FOXP2: variants seen among roughly 807,000 people sequenced by gnomAD.
The protein encoded by FOXP2 is forkhead box P2, also known as forkhead box protein P2.
Under a neutral mutation model 115.8 loss-of-function variants are expected in FOXP2, and 12 were observed. The ratio of observed to expected loss-of-function variants is 0.10; its 90% CI spans 0.07 to 0.17. FOXP2 has a LOEUF of 0.17. FOXP2 is among the 10% of genes least tolerant of loss of function. The pLI, the probability that FOXP2 is intolerant of heterozygous loss-of-function variation, is 1.00. For missense variants in FOXP2, 629 were observed against 843.5 expected (o/e 0.75, Z 3.15); for synonymous variants, 328 against 297.7 (o/e 1.10, Z -1.05).
At chr7:114,662,397 G>A (rs749944665) in intron 14 of FOXP2, among the ~76,000 whole-genome samples, 1 of 151,870 alleles carries the variant, frequency 6.6e-6, no homozygotes, top group African/African-American at 2.4e-5. Context: ...GACTGTTTTG[G>A]TTACTATTTT....
chr7:114,627,151 T>G (rs1804634299), intron 3 of FOXP2, among the ~76,000 whole-genome samples: 1 of 151,812 alleles, frequency 6.6e-6, no homozygotes. Flanking sequence ...TCTTTTTTTT[T>G]TTTCTTCTGC....
intron 1 of FOXP2, among the ~76,000 whole-genome samples, chr7:114,153,637 T>C (rs1431052220): frequency 2.0e-5 from 3 of 152,120 alleles, no homozygotes; most frequent in African/African-American, 4.8e-5. Context: ...TTTGCAAAGG[T>C]TGGAAGTTAA....
At chr7:114,580,513 G>T (rs949550805) in intron 3 of FOXP2, among the ~76,000 whole-genome samples, 1 of 152,180 alleles carries the variant, frequency 6.6e-6, no homozygotes, top group Non-Finnish European at 1.5e-5. Context: ...GGGAGGCAGA[G>T]GTTGCAGTGA....
At chr7:114,618,394 A>G (rs1804062178) in intron 3 of FOXP2, among the ~76,000 whole-genome samples, 1 of 152,234 alleles carries the variant, frequency 6.6e-6, no homozygotes, top group Admixed American at 6.5e-5. Context: ...ACTAAGACAC[A>G]AAGAATCTTA....
chr7:114,619,540 A>C (rs1259112863), intron 3 of FOXP2, among the ~76,000 whole-genome samples: 1 of 152,088 alleles, frequency 6.6e-6, no homozygotes, highest in African/African-American at 2.4e-5. Context: ...TATATGTTTC[A>C]TTGTGAATTG....
intron 16 of FOXP2, 101 bp downstream of exon 16, chr7:114,664,537 A>G: frequency 7.2e-7 from 1 of 1,390,296 alleles, no homozygotes; most frequent in Non-Finnish European, 9.9e-7. Flanking sequence ...TAAGTTGAAA[A>G]TACAAATTTA....
intron 3 of FOXP2, among the ~76,000 whole-genome samples, chr7:114,550,394 G>C (rs1800149513): frequency 6.6e-6 from 1 of 152,068 alleles, no homozygotes; most frequent in South Asian, 2.1e-4. Context: ...GGGATTACAG[G>C]CGTGAGCCAC....
rs188278231 is a variant in FOXP2 at position 114,474,223 on chromosome 7, G to A, written c.168+47544G>A. ...CAGAATAGCAAAGTCCAATGTCTTC[G>A]TTATTAAATTAATTAAAATGAAATC... On this transcript the variant is annotated intron_variant, in intron 2 of 16. Transcript: ENST00000350908. Among the ~76,000 whole-genome samples, 14 of 152,222 alleles carry A rather than the reference G, an allele frequency of 9.2e-5. No individual in the cohort carries two copies. In the South Asian group the frequency reaches 1.9e-3, roughly 20 times the overall value.
chr7:114,176,214 G>T lies in FOXP2; in HGVS notation c.-102+13126G>T, dbSNP rs865907910. 3.1e-3 allele frequency among the ~76,000 whole-genome samples: 451 copies of T among 146,042 alleles called. 3 individuals carry two copies. Among genetic ancestry groups the T allele is most frequent in the African/African-American group, 0.012 (432 of 36,532 alleles). On this transcript the variant is annotated intron_variant, in intron 1 of 17. Coordinates refer to the FOXP2 transcript ENST00000634411. ...GTCTTGTCTTGTCTTGTCTTGTCTT[G>T]TCTTGTCTTGTCTTGTCTTTTCTTT...
intron 1 of FOXP2, among the ~76,000 whole-genome samples, chr7:114,099,080 A>C (rs986112454): frequency 2.6e-5 from 4 of 152,142 alleles, no homozygotes; most frequent in Admixed American, 6.5e-5. Context: ...GGCTGCAGTG[A>C]ACTGTGATTA....
chr7:114,391,212 T>G (rs1044322308), intron 2 of FOXP2, among the ~76,000 whole-genome samples: 1 of 151,820 alleles, frequency 6.6e-6, no homozygotes, highest in Admixed American at 6.6e-5. Flanking sequence ...AAATCTGACT[T>G]CTCTGGAAAA....
At chr7:114,121,332 C>A (rs1450306342) in intron 1 of FOXP2, among the ~76,000 whole-genome samples, 1 of 152,072 alleles carries the variant, frequency 6.6e-6, no homozygotes, top group Non-Finnish European at 1.5e-5. Flanking sequence ...TGATCTCAGA[C>A]TTCCAGCCCC....
intron 2 of FOXP2, among the ~76,000 whole-genome samples, chr7:114,528,913 T>A (rs542613723): frequency 6.6e-6 from 1 of 152,114 alleles, no homozygotes; most frequent in South Asian, 2.1e-4. Context: ...CTGGAACATG[T>A]CCCATGATAA....
chr7:114,308,783 T>C (rs1338132281), intron 2 of FOXP2, among the ~76,000 whole-genome samples: 3 of 152,116 alleles, frequency 2.0e-5, no homozygotes, highest in Non-Finnish European at 4.4e-5. Flanking sequence ...AAGCTGAAAA[T>C]ATGACATAGT....
intron 1 of FOXP2, among the ~76,000 whole-genome samples, chr7:114,232,439 A>G (rs2129166077): frequency 6.6e-6 from 1 of 152,354 alleles, no homozygotes; most frequent in Non-Finnish European, 1.5e-5. Flanking sequence ...ATTATTCACA[A>G]TAATCAGGAG....
intron 16 of FOXP2, among the ~76,000 whole-genome samples, chr7:114,680,786 T>G (rs576739469): frequency 6.6e-6 from 1 of 151,892 alleles, no homozygotes; most frequent in Non-Finnish European, 1.5e-5. Flanking sequence ...TGCATAAATT[T>G]CAAAAGAAAG....
At chr7:114,303,769 T>C (rs1796934001) in intron 2 of FOXP2, among the ~76,000 whole-genome samples, 1 of 152,170 alleles carries the variant, frequency 6.6e-6, no homozygotes, top group Non-Finnish European at 1.5e-5. Flanking sequence ...TGGTTAGTTG[T>C]GAACTTTGTG....
chr7:114,481,424 A>G (rs1796531995), intron 2 of FOXP2, among the ~76,000 whole-genome samples: 1 of 151,428 alleles, frequency 6.6e-6, no homozygotes, highest in Non-Finnish European at 1.5e-5. Flanking sequence ...TAAGAGTTTA[A>G]GAAATAATAA....
intron 9 of FOXP2, 37 bp downstream of exon 9, chr7:114,652,327 T>C (rs1226687679): frequency 6.3e-7 from 1 of 1,589,056 alleles, no homozygotes; most frequent in Admixed American, 1.7e-5. Context: ...TCTTCTTAGA[T>C]TTCTGGTGTG....
Sources: allele counts gnomAD v4.1 joint callset (sites outside exome capture counted in the v4.1 genomes callset), GRCh38; gene constraint gnomAD v4.1.1; transcripts MANE v1.5; gene names NCBI Gene and HGNC (gene_info 2026-07-23, HGNC 2026-07-21).